Variants in ARID4A observed in about 807,000 individuals in gnomAD.
ARID4A encodes the protein AT-rich interaction domain 4A.
In ARID4A, 39 loss-of-function variants were observed where a neutral mutation model predicts 148.6. That is an observed-to-expected ratio of 0.26 (90% CI 0.20 to 0.34). The LOEUF is 0.34. Ranked by LOEUF, ARID4A falls within the 10% of genes least tolerant of loss-of-function variation. The pLI, the probability that ARID4A is intolerant of heterozygous loss-of-function variation, is 1.00. For synonymous variants in ARID4A, 475 were observed against 481.2 expected (o/e 0.99, Z 0.17); for missense variants, 1,265 against 1,449.1 (o/e 0.87, Z 2.06).
At chr14:58,345,719 C>CTTTT (rs869137059) in intron 12 of ARID4A, among the ~76,000 whole-genome samples, 13 of 75,872 alleles carry the variant, frequency 1.7e-4, no homozygotes, top group South Asian at 5.1e-4. Flanking sequence ...TATGCCTAAA[C>CTTTT]TTTTTTTTTT....
chr14:58,315,916 G>A (rs1406304751), intron 5 of ARID4A, among the ~76,000 whole-genome samples: 10 of 152,044 alleles, frequency 6.6e-5, no homozygotes, highest in Admixed American at 5.9e-4. Context: ...TATGTGCTTC[G>A]GGAGTTTTTA....
chr14:58,307,159 C>G (rs893781703), intron 5 of ARID4A, among the ~76,000 whole-genome samples: 1 of 152,188 alleles, frequency 6.6e-6, no homozygotes, highest in African/African-American at 2.4e-5. Flanking sequence ...CAATCTATAG[C>G]ATTGTTGGTT....
At chr14:58,342,402 A>G (rs914607568) in intron 11 of ARID4A, among the ~76,000 whole-genome samples, 2 of 152,190 alleles carry the variant, frequency 1.3e-5, no homozygotes, top group Non-Finnish European at 2.9e-5. Flanking sequence ...TTACCCACTA[A>G]CTTTTAAAAA....
chr14:58,298,852 C>T (rs2030800678), intron 1 of ARID4A, among the ~76,000 whole-genome samples, 152 bp downstream of exon 1: 1 of 152,194 alleles, frequency 6.6e-6, no homozygotes, highest in South Asian at 2.1e-4. Context: ...GGGAAGGGGC[C>T]AGCCATTGAC....
chr14:58,340,206 T>C (rs2034043672), intron 11 of ARID4A, among the ~76,000 whole-genome samples: 1 of 152,112 alleles, frequency 6.6e-6, no homozygotes, highest in Non-Finnish European at 1.5e-5. Flanking sequence ...CATAACCACC[T>C]GTGTCTTTTT....
chr14:58,347,336 G>A (rs1206097320), intron 14 of ARID4A, among the ~76,000 whole-genome samples: 1 of 152,062 alleles, frequency 6.6e-6, no homozygotes, highest in Non-Finnish European at 1.5e-5. Flanking sequence ...CCAAAATCAG[G>A]ATGCAGGTAG....
At chr14:58,339,658 T>A (rs923145521) in intron 11 of ARID4A, among the ~76,000 whole-genome samples, 31 of 152,280 alleles carry the variant, frequency 2.0e-4, no homozygotes, top group Admixed American at 4.6e-4. Context: ...AAATTGTATT[T>A]GTCTCTGTAT....
chr14:58,331,995 A>AGCC (rs2033548157), intron 11 of ARID4A, among the ~76,000 whole-genome samples: 1 of 85,196 alleles, frequency 1.2e-5, no homozygotes. Flanking sequence ...CATTTTCCCT[A>AGCC]CCCCCCCCCC....
intron 17 of ARID4A, among the ~76,000 whole-genome samples, chr14:58,355,851 CCTAT>C (rs928746604): frequency 2.6e-5 from 4 of 152,076 alleles, no homozygotes; most frequent in Non-Finnish European, 4.4e-5. Context: ...TAGAATTTCC[CCTAT>C]CTTTCTTTCT....
intron 11 of ARID4A, among the ~76,000 whole-genome samples, chr14:58,339,548 T>C (rs1462413835): frequency 6.6e-6 from 1 of 152,230 alleles, no homozygotes; most frequent in East Asian, 1.9e-4. Flanking sequence ...ATTTTGACAA[T>C]TTGGACACTA....
intron 11 of ARID4A, among the ~76,000 whole-genome samples, chr14:58,338,474 G>A (rs1280528018): frequency 6.6e-6 from 1 of 152,266 alleles, no homozygotes; most frequent in South Asian, 2.1e-4. Flanking sequence ...GGAGGGTGCT[G>A]TCTTAACATC....
chr14:58,369,303 A>G (rs1566730105), intron 23 of ARID4A, among the ~76,000 whole-genome samples: 1 of 152,180 alleles, frequency 6.6e-6, no homozygotes, highest in African/African-American at 2.4e-5. Flanking sequence ...TCACCAAAGC[A>G]TATGAAATTT....
At chr14:58,342,368 T>G (rs1034179436) in intron 11 of ARID4A, among the ~76,000 whole-genome samples, 1 of 152,182 alleles carries the variant, frequency 6.6e-6, no homozygotes, top group African/African-American at 2.4e-5. Flanking sequence ...CCATAGTTTC[T>G]CGTGAAACCT....
intron 7 of ARID4A, among the ~76,000 whole-genome samples, chr14:58,323,238 A>G (rs2033013108): frequency 6.6e-6 from 1 of 151,952 alleles, no homozygotes; most frequent in Admixed American, 6.6e-5. Flanking sequence ...TGGTGGTGGC[A>G]TGAGAGCCTA....
At chr14:58,340,506 C>T (rs1190238327) in intron 11 of ARID4A, among the ~76,000 whole-genome samples, 1 of 152,094 alleles carries the variant, frequency 6.6e-6, no homozygotes, top group Admixed American at 6.5e-5. Context: ...CACAACGCCA[C>T]GCCCAGCTAA....
intron 11 of ARID4A, among the ~76,000 whole-genome samples, chr14:58,336,448 C>G (rs2033819249): frequency 6.6e-6 from 1 of 152,158 alleles, no homozygotes; most frequent in Non-Finnish European, 1.5e-5. Context: ...GCCAGACTTA[C>G]TATTTGTTTT....
chr14:58,353,352 A>G (rs1363710790), intron 16 of ARID4A: 2 of 211,246 alleles, frequency 9.5e-6, no homozygotes, highest in East Asian at 1.9e-4. Context: ...GAATTTTTTC[A>G]GAGCATATTT....
At chr14:58,338,351 G>A (rs2033934945) in intron 11 of ARID4A, among the ~76,000 whole-genome samples, 3 of 152,112 alleles carry the variant, frequency 2.0e-5, no homozygotes, top group Admixed American at 2.0e-4. Flanking sequence ...AAAAATGTAA[G>A]CAGCTATTGG....
At chr14:58,349,587 A>T (rs2034539929) in intron 15 of ARID4A, among the ~76,000 whole-genome samples, 1 of 152,036 alleles carries the variant, frequency 6.6e-6, no homozygotes, top group African/African-American at 2.4e-5. Flanking sequence ...GGCATTTCTC[A>T]CCTGTAGTCC....
Sources: allele counts gnomAD v4.1 joint callset (sites outside exome capture counted in the v4.1 genomes callset), GRCh38; gene constraint gnomAD v4.1.1; transcripts MANE v1.5; gene names NCBI Gene and HGNC (gene_info 2026-07-23, HGNC 2026-07-21).